Variants in PRRC2A observed in about 807,000 individuals in gnomAD.
The protein encoded by PRRC2A is proline rich coiled-coil 2A, also known as protein PRRC2A.
PRRC2A carries 59 observed loss-of-function variants against 224.6 expected under a neutral mutation model. The ratio of observed to expected loss-of-function variants is 0.26; its 90% confidence interval spans 0.21 to 0.33. The LOEUF is 0.33. Ranked by LOEUF, PRRC2A falls within the 10% of genes least tolerant of loss-of-function variation. The probability of loss-of-function intolerance (pLI) is 1.00; values close to 1 mark genes in which losing one functional copy is unlikely to be tolerated. For missense variants in PRRC2A, 3,095 were observed against 2,880.7 expected (o/e 1.07, Z -1.70); for synonymous variants, 1,194 against 1,109.5 (o/e 1.08, Z -1.51).
rs371299554 is a variant in PRRC2A, at chr6:31,636,191, C to G, written c.5625-18C>G. On this transcript the variant is annotated intron_variant, in intron 25 of 30. Transcript: ENST00000376033. The surrounding 1 kb of genome is among the most constrained non-coding windows in gnomAD (Gnocchi z 4.3). ...CTCTGGCTTCCTAACAGCTTTTCTCCCCACAATTTATTTTCAGATCACAGC... is the reference window on the plus strand; with the variant it reads ...CTCTGGCTTCCTAACAGCTTTTCTCGCCACAATTTATTTTCAGATCACAGC... The G allele has an allele frequency of 5.5e-5, 89 of 1,607,710 alleles. No homozygotes were observed. The highest frequency in any genetic ancestry group is 7.2e-5 in the Non-Finnish European group (85 of 1,174,428).
At chr6:31,622,190 C>T (rs1476583070) in intron 1 of PRRC2A, among the ~76,000 whole-genome samples, 1 of 152,208 alleles carries the variant, frequency 6.6e-6, no homozygotes, top group Non-Finnish European at 1.5e-5. Context: ...CCCAGCATAC[C>T]TTCCTGCAAA....
Position 31,634,368 on chromosome 6 carries a change from G to A in PRRC2A, c.4849+3G>A, listed in dbSNP as rs1253445096. On this transcript the variant is annotated splice_donor_region_variant and intron_variant, in intron 19 of 30. Transcript: ENST00000376033. Reference sequence around the variant, plus strand: ...CATCTGGAACCGTTTACATACTGGTGAGTAAAGCTGAGTGAAAGGACTATG... The same window carrying A: ...CATCTGGAACCGTTTACATACTGGTAAGTAAAGCTGAGTGAAAGGACTATG... 3.7e-6 allele frequency: 6 copies of A among 1,612,572 alleles called. No individual in the cohort carries two copies. Among genetic ancestry groups the A allele is most frequent in the Admixed American group, 3.3e-5 (2 of 59,928 alleles).
Position 31,633,861 on chromosome 6 carries a change from C to G in PRRC2A, c.4591C>G (p.Pro1531Ala), listed in dbSNP as rs142428555. The G allele has an allele frequency of 5.7e-6, 9 of 1,576,398 alleles. No individual in the cohort carries two copies. In the African/African-American group the frequency reaches 1.1e-4, roughly 19 times the overall value. ...CTGACCCTTTTTCTCTTTCCCAGAC[C>G]CCCACTTTGAGGAGCCGGGGCCAAT... is the stretch of plus-strand genomic sequence containing the variant. ...QRVNSGLSSD[P>A]HFEEPGPMVR... Residue 1531 changes from proline (P) to alanine (A), a missense_variant and splice_region_variant, in exon 18 of 31, where the codon CCC becomes GCC. Around this residue, in one of 8 missense-constraint regions of PRRC2A, gnomAD observed 2,001 missense variants for 1,764.9 expected, o/e 1.13. Transcript: ENST00000376033.
rs1237990683 is a variant in PRRC2A, at chr6:31,636,964, G to C, written c.6147+19G>C. On this transcript the variant is annotated intron_variant, in intron 28 of 30. Transcript: ENST00000376033. This position sits in a 1 kb window ranked among gnomAD's most constrained non-coding sequence, Gnocchi z 4.3. ...AGCAGAGGTAAGGTACAGGAACTGA[G>C]GGGCTAGGGAGCGCCAAGACTTGGG... is the stretch of plus-strand genomic sequence containing the variant. 4.4e-6 allele frequency: 7 copies of C among 1,605,754 alleles called. No homozygotes were observed. Among genetic ancestry groups the C allele is most frequent in the Non-Finnish European group, 8.5e-7 (1 of 1,174,956 alleles).
In PRRC2A at chr6:31,632,758, T is replaced by A; in HGVS notation, c.4085T>A (p.Val1362Glu). Residue 1362 changes from valine (V) to glutamate (E), a missense_variant, in exon 16 of 31, where the codon GTA becomes GAA. Around this residue, in one of 8 missense-constraint regions of PRRC2A, gnomAD observed 2,001 missense variants for 1,764.9 expected, o/e 1.13. Coordinates refer to ENST00000376033, the MANE Select transcript of PRRC2A (RefSeq NM_004638.4). ...CCTGGGGGAGGTGGAGGTGGAGCCGTACCAGGTATTTCAGCCATGTCCCGC... is the reference window on the plus strand; with the variant it reads ...CCTGGGGGAGGTGGAGGTGGAGCCGAACCAGGTATTTCAGCCATGTCCCGC... ...GTPGGGGGGA[V>E]PGISAMSRGD... 1 of 1,613,022 alleles carries A rather than the reference T, an allele frequency of 6.2e-7. No homozygotes were observed. The highest frequency in any genetic ancestry group is 1.1e-5 in the South Asian group (1 of 91,080).
In PRRC2A at chr6:31,632,274, C is replaced by A; in HGVS notation, c.3601C>A (p.Pro1201Thr). 1.9e-6 allele frequency: 3 copies of A among 1,613,112 alleles called. No homozygotes were observed. Among genetic ancestry groups the A allele is most frequent in the Non-Finnish European group, 2.5e-6 (3 of 1,180,020 alleles). The change falls in exon 16 of 31, where the codon CCT (proline) becomes ACT (threonine). Residue 1201 changes from proline (P) to threonine (T), a missense_variant. Pro to Thr is a conservative substitution (Grantham distance 38, BLOSUM62 -1). This residue lies in a region of PRRC2A where 2,001 missense variants were observed against 1,764.9 expected (regional missense o/e 1.13). Transcript: ENST00000376033. ...SLAPKKPPTG[P>T]LPPSKEPLKE... The stretch of plus-strand genomic sequence containing the variant: ...GGCTCCCAAGAAACCTCCCACAGGC[C>A]CTTTGCCACCAAGTAAGGAGCCTTT...
chr6:31,633,165 G>C (rs1054975252), intron 16 of PRRC2A, among the ~76,000 whole-genome samples, 173 bp downstream of exon 16: 3 of 152,126 alleles, frequency 2.0e-5, no homozygotes, highest in African/African-American at 7.2e-5. Flanking sequence ...GGTTGGTAGG[G>C]TGTTAGAGTC....
In PRRC2A at chr6:31,637,584, T is replaced by C; in HGVS notation, c.6472T>C (p.Ter2158ArgextTer16). ...GGAGCCTGGGTTGCCCCCACCCCGC[T>C]GAGGGAGTTCCTCTTGCCCCCTACC... Reference protein sequence around the residue: ...DKEPGLPPPR* With the variant: ...DKEPGLPPPRR The change falls in exon 31 of 31, where the codon TGA becomes CGA. Residue 2158 changes from the stop codon to arginine, a stop_lost. Coordinates refer to ENST00000376033, the MANE Select transcript of PRRC2A (RefSeq NM_004638.4). 1.3e-6 allele frequency: 2 copies of C among 1,538,298 alleles called. No individual in the cohort carries two copies. Among genetic ancestry groups the C allele is most frequent in the Non-Finnish European group, 1.8e-6 (2 of 1,141,452 alleles).
rs1776780447 is a variant in PRRC2A, at chr6:31,632,634, T to C, written c.3961T>C (p.Trp1321Arg). 1 of 1,612,894 alleles carries C rather than the reference T, an allele frequency of 6.2e-7. No homozygotes were observed. The highest frequency in any genetic ancestry group is 8.5e-7 in the Non-Finnish European group (1 of 1,180,032). Residue 1321 changes from tryptophan to arginine, a missense_variant, in exon 16 of 31, where the codon TGG becomes CGG. Trp to Arg is a moderately radical substitution (Grantham distance 101, BLOSUM62 -3). This residue lies in a region of PRRC2A where 2,001 missense variants were observed against 1,764.9 expected (regional missense o/e 1.13). Coordinates refer to ENST00000376033, the MANE Select transcript of PRRC2A (RefSeq NM_004638.4). The part of the protein sequence containing the change: ...NQNSDQANEE[W>R]ETASESSDFT... ...GAACTCAGACCAAGCCAATGAGGAATGGGAGACTGCATCAGAGAGCAGTGA... is the reference window on the plus strand; with the variant it reads ...GAACTCAGACCAAGCCAATGAGGAACGGGAGACTGCATCAGAGAGCAGTGA...
Position 31,630,780 on chromosome 6 carries a change from A to G in PRRC2A, c.2444A>G (p.Asp815Gly). The change falls in exon 15 of 31, where the codon GAT becomes GGT. Residue 815 changes from aspartate to glycine, a missense_variant. Around this residue, in one of 8 missense-constraint regions of PRRC2A, gnomAD observed 2,001 missense variants for 1,764.9 expected, o/e 1.13. Transcript: ENST00000376033. ...PLTSPLRQAADEDDKGMRSET... is the reference protein window; with the variant it reads ...PLTSPLRQAAGEDDKGMRSET... ...ACCTCACCTCTGCGCCAGGCTGCGGATGAGGATGACAAGGGGATGAGGTGA... is the reference window on the plus strand; with the variant it reads ...ACCTCACCTCTGCGCCAGGCTGCGGGTGAGGATGACAAGGGGATGAGGTGA... 6.2e-7 allele frequency: 1 copy of G among 1,614,148 alleles called. No individual in the cohort carries two copies. Among genetic ancestry groups the G allele is most frequent in the East Asian group, 2.2e-5 (1 of 44,884 alleles).
At chr6:31,621,176 C>G (rs1238045596) in intron 1 of PRRC2A, among the ~76,000 whole-genome samples, 1 of 147,558 alleles carries the variant, frequency 6.8e-6, no homozygotes, top group Admixed American at 6.9e-5. Context: ...TTTTCACCCC[C>G]ATTTGTGGGC....
Position 31,637,637 on chromosome 6 carries a change from A to G in PRRC2A, c.*51A>G, listed in dbSNP as rs11538266. On this transcript the variant is annotated 3_prime_UTR_variant, in exon 31 of 31. Coordinates refer to ENST00000376033, the MANE Select transcript of PRRC2A (RefSeq NM_004638.4). ...CGGGGCTTGTATATAGATTATAAAT[A>G]TATAAGGGGGAAAGGGGTGGGCGGG... The G allele has an allele frequency of 2.2e-6, 1 of 460,398 alleles. No homozygotes were observed. Among genetic ancestry groups the G allele is most frequent in the Non-Finnish European group, 3.3e-6 (1 of 299,498 alleles). The allele number at this position is 460,398 out of a possible 1,614,324, so 28.5% of individuals were successfully genotyped here.
chr6:31,630,349 C>A (rs1448283719), intron 14 of PRRC2A, among the ~76,000 whole-genome samples: 2 of 152,036 alleles, frequency 1.3e-5, no homozygotes, highest in Non-Finnish European at 2.9e-5. Flanking sequence ...AACTCCATCT[C>A]AAAAATGAAT....
At position 31,629,917 on chromosome 6, in the gene PRRC2A, C is replaced by T. The variant is rs1323697378; in HGVS notation, c.2254+72C>T. On this transcript the variant is annotated intron_variant, in intron 14 of 30. Transcript: ENST00000376033. ...TTAGGCATTGGATATTAGGGTCTTA[C>T]TGTGACTCTGGTACGATAGGTTTTG... is the stretch of plus-strand genomic sequence containing the variant. 40 of 1,584,506 alleles carry T rather than the reference C, an allele frequency of 2.5e-5. No homozygotes were observed. In the South Asian group the frequency reaches 4.0e-4, roughly 16 times the overall value.
At position 31,632,911 on chromosome 6, in the gene PRRC2A, G is replaced by T; in HGVS notation, c.4238G>T (p.Gly1413Val). 2 of 1,612,756 alleles carry T rather than the reference G, an allele frequency of 1.2e-6. No individual in the cohort carries two copies. Among genetic ancestry groups the T allele is most frequent in the Non-Finnish European group, 1.7e-6 (2 of 1,179,838 alleles). The change falls in exon 16 of 31, where the codon GGA becomes GTA. Residue 1413 changes from glycine to valine, a missense_variant. This residue lies in a region of PRRC2A where 2,001 missense variants were observed against 1,764.9 expected (regional missense o/e 1.13). Transcript: ENST00000376033. ...GKAGSSGSSS[G>V]GGGGGPGGRT... The stretch of plus-strand genomic sequence containing the variant: ...GCTGGCAGCAGTGGCAGCAGCAGTG[G>T]AGGAGGCGGTGGGGGTCCTGGAGGA...
At chr6:31,634,596 T>A in intron 20 of PRRC2A, 39 bp downstream of exon 20, 1 of 1,603,602 alleles carries the variant, frequency 6.2e-7, no homozygotes, top group Non-Finnish European at 8.5e-7. Flanking sequence ...GCTGGGACTT[T>A]TTTGAGCACT....
In PRRC2A at chr6:31,635,452, C is replaced by T. The variant is rs1286962408; in HGVS notation, c.5360C>T (p.Ala1787Val). ...TTGAAAGCAGAGAAGGAGCTAACAGCATCAGTCACTGAGGTAAGTGGGAGT... is the reference window on the plus strand; with the variant it reads ...TTGAAAGCAGAGAAGGAGCTAACAGTATCAGTCACTGAGGTAAGTGGGAGT... ...DSLKAEKELT[A>V]SVTEAIPVSR... Residue 1787 changes from alanine to valine, a missense_variant, in exon 23 of 31, where the codon GCA (alanine) becomes GTA (valine). Coordinates refer to ENST00000376033, the MANE Select transcript of PRRC2A (RefSeq NM_004638.4). The T allele has an allele frequency of 3.2e-5, 52 of 1,614,024 alleles. No individual in the cohort carries two copies. Among genetic ancestry groups the T allele is most frequent in the Non-Finnish European group, 4.2e-5 (49 of 1,179,992 alleles).
rs746191246 is a variant in PRRC2A, at chr6:31,635,291, T to G, written c.5301+19T>G. On this transcript the variant is annotated intron_variant, in intron 22 of 30. Coordinates refer to ENST00000376033, the MANE Select transcript of PRRC2A (RefSeq NM_004638.4). ...TGACAAGGTCTGTGTGGGCTGGATC[T>G]GGGTATCCTGAGTTGGGTGGAGAGA... 6 of 1,613,888 alleles carry G rather than the reference T, an allele frequency of 3.7e-6. No individual in the cohort carries two copies. The South Asian group carries it at 4.4e-5, about 12-fold the overall frequency.
rs376919599 is a variant in PRRC2A, at chr6:31,636,048, A to G, written c.5623A>G (p.Arg1875Gly). Residue 1875 changes from arginine to glycine, a missense_variant and splice_region_variant, in exon 25 of 31, where the codon AGA becomes GGA. Transcript: ENST00000376033. This position sits in a 1 kb window ranked among gnomAD's most constrained non-coding sequence, Gnocchi z 4.3. ...RPGTPSLHPY[R>G]SQPLYLPPGP... Reference sequence around the variant, plus strand: ...TGGGACACCCTCACTGCACCCTTACAGGTAAGACTCGATGCCTGTGGATCA... The same window carrying G: ...TGGGACACCCTCACTGCACCCTTACGGGTAAGACTCGATGCCTGTGGATCA... 3.7e-6 allele frequency: 6 copies of G among 1,609,382 alleles called. No individual in the cohort carries two copies. Among genetic ancestry groups the G allele is most frequent in the Admixed American group, 1.7e-5 (1 of 59,982 alleles).
Sources: gnomAD v4.1 joint callset for allele counts (sites outside exome capture counted in the v4.1 genomes callset) on GRCh38, gnomAD v4.1.1 for gene constraint, gnomAD v4.1.1 regional missense constraint, Gnocchi (gnomAD v3.1) non-coding constraint, MANE v1.5 for transcripts, NCBI Gene and HGNC (gene_info 2026-07-23, HGNC 2026-07-21) for gene names.